The following ZNF385C variants were observed in gnomAD, a reference collection of about 807,000 sequenced individuals.
ZNF385C encodes the protein zinc finger protein 385C, also known as CTD-2132N18.2.
In ZNF385C, 28 loss-of-function variants were observed where a neutral mutation model predicts 35.4. The observed-to-expected ratio is 0.79, with a 90% CI of 0.59 to 1.08. The LOEUF (loss-of-function observed/expected upper bound fraction) is 1.08. Among genes scored for constraint, ZNF385C ranks in the 50% least tolerant of loss-of-function variants. ZNF385C has a pLI of 0.00. For synonymous variants in ZNF385C, 248 were observed against 248.2 expected, an observed-to-expected ratio of 1.00 and a Z score of 0.01; for missense variants, 605 against 595.6, an observed-to-expected ratio of 1.02 and a Z score of -0.16.
intron 1 of ZNF385C, among the ~76,000 whole-genome samples, chr17:42,064,609 T>G (rs2053521381): frequency 6.6e-6 from 1 of 152,120 alleles, no homozygotes; most frequent in South Asian, 2.1e-4. Context: ...ACCCAGGCTG[T>G]AGTGCATTGG....
intron 5 of ZNF385C, 97 bp from the exon 6 acceptor site, chr17:42,029,170 A>G: frequency 7.2e-7 from 1 of 1,379,434 alleles, no homozygotes. Flanking sequence ...CCCCTGGTGG[A>G]TGACCAGCAC....
rs368331874 is a variant in ZNF385C at position 42,027,139 on chromosome 17, C to T, written c.1276-6G>A. On this transcript the variant is annotated splice_region_variant and splice_polypyrimidine_tract_variant and intron_variant, in intron 8 of 8. Transcript: ENST00000692273. ...TTCTGCAAGGCCAGTTTAGACTACACGGAAAAGAAAGGAATGGACACAGTC... is the reference window on the plus strand; with the variant it reads ...TTCTGCAAGGCCAGTTTAGACTACATGGAAAAGAAAGGAATGGACACAGTC... 1.1e-4 allele frequency: 177 copies of T among 1,612,506 alleles called. No individual in the cohort carries two copies. The highest frequency in any genetic ancestry group is 1.8e-4 in the Middle Eastern group (1 of 5,660).
At chr17:42,064,526 G>A (rs764147585) in intron 1 of ZNF385C, among the ~76,000 whole-genome samples, 2 of 152,172 alleles carry the variant, frequency 1.3e-5, no homozygotes, top group African/African-American at 4.8e-5. Context: ...TTAAGTTAAT[G>A]AGGTCATACC....
chr17:42,039,892 AGCAGGCCAGCGCCCGCGG>A, intron 2 of ZNF385C: 1 of 1,231,420 alleles, frequency 8.1e-7, no homozygotes, highest in Non-Finnish European at 1.0e-6. Flanking sequence ...GACCTTGTCC[AGCAGGCCAGCGCCCGCGG>A]GCAGCGCCAA....
intron 1 of ZNF385C, among the ~76,000 whole-genome samples, chr17:42,066,200 C>T (rs2053544025): frequency 6.6e-6 from 1 of 152,158 alleles, no homozygotes; most frequent in Non-Finnish European, 1.5e-5. Flanking sequence ...GCTGGGACTA[C>T]AGGCGCGTGC....
intron 2 of ZNF385C, chr17:42,043,344 C>T (rs2053074005): frequency 8.1e-7 from 1 of 1,232,138 alleles, no homozygotes; most frequent in Non-Finnish European, 1.0e-6. Flanking sequence ...AGTTGGAGGC[C>T]TCTCCCGCTG....
In ZNF385C at chr17:42,034,298, A is replaced by T; in HGVS notation, c.437T>A (p.Phe146Tyr). 3.2e-6 allele frequency: 5 copies of T among 1,550,574 alleles called. No homozygotes were observed. Among genetic ancestry groups the T allele is most frequent in the Non-Finnish European group, 4.4e-6 (5 of 1,146,974 alleles). The change falls in exon 4 of 9, where the codon TTT (phenylalanine) becomes TAT (tyrosine). Residue 146 changes from phenylalanine to tyrosine, a missense_variant. Coordinates refer to ENST00000692273, the MANE Select transcript of ZNF385C (RefSeq NM_001392013.1). The part of the protein sequence containing the change: ...PVQKAVISHT[F>Y]GVPSPLKKKL... ...CTTCTTCAGAGGGGAGGGGACACCA[A>T]ACGTGTGGCTGATGACAGCTTTCTG...
At chr17:42,043,845 A>G (rs1372554313) in intron 2 of ZNF385C, among the ~76,000 whole-genome samples, 1 of 152,128 alleles carries the variant, frequency 6.6e-6, no homozygotes, top group Non-Finnish European at 1.5e-5. Flanking sequence ...TCAGAACTGG[A>G]AAGGCTGGCA....
chr17:42,084,981 A>G (rs1168306065), intron 1 of ZNF385C, among the ~76,000 whole-genome samples: 5 of 152,108 alleles, frequency 3.3e-5, no homozygotes, highest in Non-Finnish European at 7.3e-5. Context: ...TTATATAAAC[A>G]ATCTAAAGAC....
rs1399094046 is a variant in ZNF385C, at chr17:42,095,758, A to G, written c.-3+2652T>C. ...GTCCAGGTAAGCATGTTCTAAGCCC[A>G]GTTTTATAGGGGTGCTACTCTACTG... On this transcript the variant is annotated intron_variant, in intron 1 of 8. Transcript: ENST00000692273. This position sits in a 1 kb window ranked among gnomAD's most constrained non-coding sequence, Gnocchi z 4.4. Among the ~76,000 whole-genome samples the G allele has an allele frequency of 5.3e-5, 8 of 152,232 alleles. No homozygotes were observed. The East Asian group carries it at 1.5e-3, about 29-fold the overall frequency.
Position 42,026,753 on chromosome 17 carries a change from A to G in ZNF385C, c.*144T>C. 1.1e-5 allele frequency: 9 copies of G among 842,692 alleles called. No individual in the cohort carries two copies. The highest frequency in any genetic ancestry group is 1.8e-5 in the Non-Finnish European group (9 of 510,402). 52.2% of individuals were successfully genotyped at this position (842,692 alleles called of 1,614,324 possible). A position where few individuals can be genotyped will look rare whatever the true frequency, so the allele number is the denominator to read the frequency against. On this transcript the variant is annotated 3_prime_UTR_variant, in exon 9 of 9. Transcript: ENST00000692273. ...CAGTCCTTGGAAGGCAGCTGCCCTT[A>G]AAACTAGCCCAGCTCTTTCTGGATC... is the stretch of plus-strand genomic sequence containing the variant.
At chr17:42,043,493 G>T in intron 2 of ZNF385C, 1 of 902,692 alleles carries the variant, frequency 1.1e-6, no homozygotes, top group Non-Finnish European at 1.5e-6. Flanking sequence ...CAGGCTGGGG[G>T]CAGCCCGCCA....
At chr17:42,060,756 C>T (rs1294364319) in intron 2 of ZNF385C, among the ~76,000 whole-genome samples, 4 of 152,148 alleles carry the variant, frequency 2.6e-5, no homozygotes, top group Non-Finnish European at 5.9e-5. Context: ...CCCTCTGTTG[C>T]CCCGGCTGGA....
chr17:42,054,017 T>C (rs973024395), intron 2 of ZNF385C, among the ~76,000 whole-genome samples: 10 of 152,142 alleles, frequency 6.6e-5, no homozygotes, highest in African/African-American at 2.4e-4. Context: ...CTGTCTCTCT[T>C]TGCCAGGAAG....
At chr17:42,087,904 C>T (rs1407049133) in intron 1 of ZNF385C, among the ~76,000 whole-genome samples, 2 of 152,212 alleles carry the variant, frequency 1.3e-5, no homozygotes, top group Non-Finnish European at 2.9e-5. Flanking sequence ...ACTGAACCCC[C>T]ACTACCTATA....
intron 1 of ZNF385C, among the ~76,000 whole-genome samples, chr17:42,063,329 C>T (rs1458935585): frequency 6.6e-6 from 1 of 152,066 alleles, no homozygotes; most frequent in Non-Finnish European, 1.5e-5. Context: ...AGGAGTTTGA[C>T]ACCAGCCTGA....
At chr17:42,067,295 C>T (rs1316471246) in intron 1 of ZNF385C, among the ~76,000 whole-genome samples, 2 of 152,172 alleles carry the variant, frequency 1.3e-5, no homozygotes, top group African/African-American at 2.4e-5. Context: ...TAAACTTCTA[C>T]TGTTTAAGTG....
chr17:42,028,678 C>G, intron 6 of ZNF385C, 105 bp downstream of exon 6: 3 of 1,385,284 alleles, frequency 2.2e-6, no homozygotes, highest in Non-Finnish European at 2.9e-6. Context: ...CCTCCGCCAT[C>G]CAACCCTTGA....
At chr17:42,060,137 C>T (rs1598195993) in intron 2 of ZNF385C, among the ~76,000 whole-genome samples, 1 of 152,174 alleles carries the variant, frequency 6.6e-6, no homozygotes, top group African/African-American at 2.4e-5. Context: ...GTCTCCCTCT[C>T]AGCACCCCCT....
Sources: allele counts gnomAD v4.1 joint callset (sites outside exome capture counted in the v4.1 genomes callset), GRCh38; gene constraint gnomAD v4.1.1; non-coding constraint Gnocchi (gnomAD v3.1); transcripts MANE v1.5; gene names NCBI Gene and HGNC (gene_info 2026-07-23, HGNC 2026-07-21).